The following KDM4B variants were observed in gnomAD, a reference collection of about 807,000 sequenced individuals.
KDM4B encodes lysine-specific demethylase 4B.
KDM4B carries 32 observed loss-of-function variants against 125.2 expected under a neutral mutation model. The ratio of observed to expected loss-of-function variants is 0.26; its 90% confidence interval spans 0.19 to 0.34. KDM4B has a LOEUF of 0.34. KDM4B is among the 10% of genes least tolerant of loss of function. The pLI, the probability that KDM4B is intolerant of heterozygous loss-of-function variation, is 1.00. For missense variants in KDM4B, 1,190 were observed against 1,577.7 expected, an observed-to-expected ratio of 0.75 and a Z score of 4.16; for synonymous variants, 721 against 677.9, an observed-to-expected ratio of 1.06 and a Z score of -0.99.
At chr19:5,086,527 G>A (rs1011886435) in intron 9 of KDM4B, among the ~76,000 whole-genome samples, 3 of 152,212 alleles carry the variant, frequency 2.0e-5, no homozygotes, top group Non-Finnish European at 4.4e-5. Flanking sequence ...TTCGCCCCGC[G>A]GAGTTGAGTA....
chr19:5,080,694 A>G (rs2038264734), intron 8 of KDM4B: 1 of 152,292 alleles, frequency 6.6e-6, no homozygotes, highest in African/African-American at 2.4e-5. Context: ...CACTCTGTGC[A>G]TATTTACTCA....
intron 1 of KDM4B, among the ~76,000 whole-genome samples, chr19:5,009,271 A>C (rs765754640): frequency 2.0e-5 from 3 of 152,304 alleles, no homozygotes; most frequent in Non-Finnish European, 4.4e-5. Flanking sequence ...TTTTGGTATC[A>C]ATAAGGATAT....
At position 5,028,678 on chromosome 19, in the gene KDM4B, G is replaced by A. The variant is rs117774588; in HGVS notation, c.-25-4188G>A. Among the ~76,000 whole-genome samples, 426 of 152,278 alleles carry A rather than the reference G, an allele frequency of 2.8e-3. 13 individuals are homozygous for A. The East Asian group carries it at 0.064, about 23-fold the overall frequency. On this transcript the variant is annotated intron_variant, in intron 2 of 22. Coordinates refer to ENST00000159111, the MANE Select transcript of KDM4B (RefSeq NM_015015.3). ...CTGTCTTGCAGAGCAGCTGTCCCAC[G>A]TCACCGTCCTGCCAGCCTGTGTTCG...
chr19:5,141,867 G>C lies in KDM4B; in HGVS notation c.2551-2100G>C, dbSNP rs1289991392. On this transcript the variant is annotated intron_variant, in intron 18 of 22. Transcript: ENST00000159111. The surrounding 1 kb of genome is among the most constrained non-coding windows in gnomAD (Gnocchi z 6.4). ...GTCTGGGAGGGGCTTGGGATGGGGGGAGGCGCCTCCAGGGCAGCAGGAGGG... is the reference window on the plus strand; with the variant it reads ...GTCTGGGAGGGGCTTGGGATGGGGGCAGGCGCCTCCAGGGCAGCAGGAGGG... 6.6e-6 allele frequency among the ~76,000 whole-genome samples: 1 copy of C among 152,168 alleles called. No homozygotes were observed. Among genetic ancestry groups the C allele is most frequent in the South Asian group, 2.1e-4 (1 of 4,826 alleles).
intron 6 of KDM4B, among the ~76,000 whole-genome samples, chr19:5,050,004 C>G (rs539631936): frequency 6.6e-6 from 1 of 152,166 alleles, no homozygotes; most frequent in African/African-American, 2.4e-5. Flanking sequence ...TGCTTCCCCC[C>G]TCTCCCTTCC....
At chr19:5,124,181 C>T (rs1261978045) in intron 11 of KDM4B, among the ~76,000 whole-genome samples, 1 of 152,098 alleles carries the variant, frequency 6.6e-6, no homozygotes, top group African/African-American at 2.4e-5. Context: ...GTCTGGGGAC[C>T]CGGGCCCACC....
At chr19:5,040,053 G>T (rs1303282057) in intron 4 of KDM4B, 42 bp downstream of exon 4, 2 of 1,565,336 alleles carry the variant, frequency 1.3e-6, no homozygotes, top group South Asian at 2.3e-5. Flanking sequence ...CCGCCCCCGG[G>T]GGCACACCTG....
chr19:5,110,705 G>A lies in KDM4B; in HGVS notation c.1002G>A (p.Lys334=). ...AGCCCGAGCGCTACGAGCTGTGGAA[G>A]CAGGGCAAGGACCTCACGGTGCTGG... ...ILQPERYELW[K]QGKDLTVLDH... The change falls in exon 10 of 23, where the codon AAG becomes AAA. Residue 334 remains lysine (K), a synonymous_variant. Transcript: ENST00000159111. The A allele has an allele frequency of 3.1e-6, 5 of 1,612,946 alleles. No individual in the cohort carries two copies. The highest frequency in any genetic ancestry group is 4.2e-6 in the Non-Finnish European group (5 of 1,179,890).
In KDM4B at chr19:5,047,628, G is replaced by A. The variant is rs769066748; in HGVS notation, c.585G>A (p.Leu195=). Residue 195 remains leucine, a synonymous_variant, in exon 6 of 23, where the codon CTG becomes CTA. Transcript: ENST00000159111. ...CCTGGCACACCGAGGACATGGACCT[G>A]TACAGCATCAACTACCTGCACTTTG... ...TFAWHTEDMD[L]YSINYLHFGE... The A allele has an allele frequency of 1.2e-6, 2 of 1,613,888 alleles. No individual in the cohort carries two copies. Among genetic ancestry groups the A allele is most frequent in the Non-Finnish European group, 1.7e-6 (2 of 1,179,910 alleles).
intron 1 of KDM4B, among the ~76,000 whole-genome samples, chr19:5,005,635 T>A (rs1436385373): frequency 6.6e-6 from 1 of 152,212 alleles, no homozygotes; most frequent in Non-Finnish European, 1.5e-5. Context: ...GTCCCAGCAC[T>A]GTTTGTTGAA....
At chr19:5,111,230 G>A (rs1475885944) in intron 10 of KDM4B, 2 of 612,882 alleles carry the variant, frequency 3.3e-6, no homozygotes, top group Non-Finnish European at 5.8e-6. Flanking sequence ...CGGCTACTCG[G>A]GCCCCTCCCT....
At chr19:4,978,767 G>A (rs1294243291) in intron 1 of KDM4B, among the ~76,000 whole-genome samples, 1 of 152,162 alleles carries the variant, frequency 6.6e-6, no homozygotes, top group South Asian at 2.1e-4. Context: ...TGCAGCGAGC[G>A]GGTGTGGTCA....
intron 10 of KDM4B, chr19:5,119,240 G>T (rs1334361047): frequency 1.4e-6 from 2 of 1,459,068 alleles, no homozygotes; most frequent in South Asian, 1.2e-5. Context: ...TTTTCGTTCC[G>T]TTTGTCGTCT....
Position 5,022,051 on chromosome 19 carries a change from G to A in KDM4B, c.-26+5712G>A, listed in dbSNP as rs555505017. Among the ~76,000 whole-genome samples, 5 of 152,294 alleles carry A rather than the reference G, an allele frequency of 3.3e-5. No individual in the cohort carries two copies. The South Asian group carries it at 1.0e-3, about 32-fold the overall frequency. On this transcript the variant is annotated intron_variant, in intron 2 of 22. Transcript: ENST00000159111. Reference sequence around the variant, plus strand: ...GTTTGTTTTCTCCTCTGCAGTTTGGGGGTCCTTGGGTAGAAGGACTGAGCA... The same window carrying A: ...GTTTGTTTTCTCCTCTGCAGTTTGGAGGTCCTTGGGTAGAAGGACTGAGCA...
intron 10 of KDM4B, among the ~76,000 whole-genome samples, chr19:5,119,401 G>T (rs74484586): frequency 1.3e-4 from 19 of 151,958 alleles, no homozygotes; most frequent in African/African-American, 4.4e-4. Context: ...AGCGTCCCCC[G>T]CTTGACACCG....
At chr19:5,138,621 A>C (rs1421743901) in intron 18 of KDM4B, among the ~76,000 whole-genome samples, 1 of 152,112 alleles carries the variant, frequency 6.6e-6, no homozygotes, top group East Asian at 1.9e-4. Flanking sequence ...GCACCATTAC[A>C]CTGCAGCCTA....
Position 5,041,106 on chromosome 19 carries a change from C to A in KDM4B, c.318-31C>A, listed in dbSNP as rs771053979. The A allele has an allele frequency of 2.6e-6, 4 of 1,511,360 alleles. No homozygotes were observed. The South Asian group carries it at 4.5e-5, about 17-fold the overall frequency. 93.6% of individuals were successfully genotyped at this position (1,511,360 alleles called of 1,614,324 possible). A position where few individuals can be genotyped will look rare whatever the true frequency, so the allele number is the denominator to read the frequency against. On this transcript the variant is annotated intron_variant, in intron 4 of 22. Transcript: ENST00000159111. Reference sequence around the variant, plus strand: ...GGCTGCGTAGCACCCAGGCCTCACCCTGAGCTGGTTTTGGGGTGTTTGTTC... The same window carrying A: ...GGCTGCGTAGCACCCAGGCCTCACCATGAGCTGGTTTTGGGGTGTTTGTTC...
chr19:5,145,345 C>T (rs10409589), intron 21 of KDM4B, among the ~76,000 whole-genome samples: 32,798 of 151,774 alleles, frequency 0.22, 3,661 homozygotes, highest in African/African-American at 0.27. Context: ...TTTTGGGAGG[C>T]CGAGGCAGGT....
At chr19:5,116,902 T>C (rs1158920949) in intron 10 of KDM4B, among the ~76,000 whole-genome samples, 1 of 152,140 alleles carries the variant, frequency 6.6e-6, no homozygotes, top group East Asian at 1.9e-4. Context: ...TCAACACCTG[T>C]GCCGGGAGCC....
Sources: allele counts gnomAD v4.1 joint callset (sites outside exome capture counted in the v4.1 genomes callset), GRCh38; gene constraint gnomAD v4.1.1; non-coding constraint Gnocchi (gnomAD v3.1); transcripts MANE v1.5; gene names NCBI Gene and HGNC (gene_info 2026-07-23, HGNC 2026-07-21).